BTBD9: variants seen among roughly 807,000 people sequenced by gnomAD.
BTBD9 encodes BTB/POZ domain-containing protein 9.
BTBD9 carries 49 observed loss-of-function variants against 64.3 expected under a neutral mutation model. The ratio of observed to expected loss-of-function variants is 0.76; its 90% CI spans 0.61 to 0.97. BTBD9 has a LOEUF of 0.97. BTBD9 is among the 50% of genes least tolerant of loss of function. The pLI, the probability that BTBD9 is intolerant of heterozygous loss-of-function variation, is 0.00. For missense variants in BTBD9, 598 were observed against 762.1 expected (o/e 0.78, Z 2.53); for synonymous variants, 260 against 274.7 (o/e 0.95, Z 0.53).
intron 6 of BTBD9, among the ~76,000 whole-genome samples, chr6:38,382,927 G>T (rs1464671049): frequency 6.6e-6 from 1 of 152,074 alleles, no homozygotes; most frequent in Non-Finnish European, 1.5e-5. Context: ...CTTCCCACAA[G>T]GCCCAGAAAG....
chr6:38,362,713 GC>G (rs781553749), intron 6 of BTBD9, among the ~76,000 whole-genome samples: 75 of 152,256 alleles, frequency 4.9e-4, no homozygotes, highest in Non-Finnish European at 9.1e-4. Flanking sequence ...ATGTACAGTG[GC>G]AGCAGGATTT....
At chr6:38,442,112 A>G (rs1769060817) in intron 6 of BTBD9, among the ~76,000 whole-genome samples, 1 of 152,162 alleles carries the variant, frequency 6.6e-6, no homozygotes, top group Admixed American at 6.5e-5. Context: ...GTGCCTTCAT[A>G]ATGCTGATGT....
At chr6:38,591,356 T>C (rs1278437180) in intron 4 of BTBD9, among the ~76,000 whole-genome samples, 1 of 152,210 alleles carries the variant, frequency 6.6e-6, no homozygotes, top group Non-Finnish European at 1.5e-5. Flanking sequence ...AAATCAAATG[T>C]CAAGGCTCAA....
At chr6:38,423,015 A>G (rs1767975879) in intron 6 of BTBD9, among the ~76,000 whole-genome samples, 1 of 152,148 alleles carries the variant, frequency 6.6e-6, no homozygotes, top group African/African-American at 2.4e-5. Flanking sequence ...CTATAATCCC[A>G]GCACTTTGGG....
At chr6:38,305,894 AC>A (rs1267914860) in intron 7 of BTBD9, among the ~76,000 whole-genome samples, 3 of 152,228 alleles carry the variant, frequency 2.0e-5, no homozygotes, top group African/African-American at 7.2e-5. Context: ...CCACTGGTTT[AC>A]TAATATACAT....
At chr6:38,600,108 G>A (rs1363478020) in intron 1 of BTBD9, among the ~76,000 whole-genome samples, 1 of 152,220 alleles carries the variant, frequency 6.6e-6, no homozygotes, top group Admixed American at 6.5e-5. Flanking sequence ...TGACACAGTA[G>A]TCTTAATGTG....
chr6:38,500,828 A>G (rs571185366), intron 6 of BTBD9, among the ~76,000 whole-genome samples: 1 of 152,198 alleles, frequency 6.6e-6, no homozygotes, highest in East Asian at 1.9e-4. Context: ...AGTGACAAGA[A>G]CAGATGAGTG....
chr6:38,514,064 G>T (rs1772902011), intron 6 of BTBD9, among the ~76,000 whole-genome samples: 1 of 152,200 alleles, frequency 6.6e-6, no homozygotes. Flanking sequence ...TAAACATGAA[G>T]AAGAAGAGCT....
chr6:38,622,786 A>C lies in BTBD9; in HGVS notation c.-28+17014T>G, dbSNP rs78995010. The stretch of plus-strand genomic sequence containing the variant: ...CTTCAAGCCCCAACTGATCATAGTA[A>C]CTTCCCAGTTACCCAAACAGCTCCA... On this transcript the variant is annotated intron_variant, in intron 1 of 10. Transcript: ENST00000481247. 0.02 allele frequency among the ~76,000 whole-genome samples: 3,116 copies of C among 152,282 alleles called. 242 individuals carry two copies. The East Asian group carries it at 0.23, about 11-fold the overall frequency.
intron 6 of BTBD9, among the ~76,000 whole-genome samples, chr6:38,501,590 G>C (rs1582536142): frequency 6.6e-6 from 1 of 152,252 alleles, no homozygotes; most frequent in East Asian, 1.9e-4. Context: ...GTGTATAAGA[G>C]AGCAACAGTT....
intron 6 of BTBD9, among the ~76,000 whole-genome samples, chr6:38,555,767 A>C (rs1012046665): frequency 6.6e-6 from 1 of 152,200 alleles, no homozygotes; most frequent in African/African-American, 2.4e-5. Flanking sequence ...TCATGCTGCC[A>C]GAATTTTATT....
At chr6:38,388,206 T>TA (rs1365900564) in intron 6 of BTBD9, among the ~76,000 whole-genome samples, 2 of 141,480 alleles carry the variant, frequency 1.4e-5, no homozygotes, top group African/African-American at 5.4e-5. Flanking sequence ...GCTTCTGGTG[T>TA]AACTGCCCCT....
intron 6 of BTBD9, among the ~76,000 whole-genome samples, chr6:38,393,926 C>T (rs1341930704): frequency 3.3e-5 from 5 of 152,076 alleles, no homozygotes; most frequent in Admixed American, 1.3e-4. Context: ...TCTGTTTGGG[C>T]ACTATGTAAT....
chr6:38,282,388 T>C (rs1761547574), intron 8 of BTBD9, among the ~76,000 whole-genome samples: 1 of 152,286 alleles, frequency 6.6e-6, no homozygotes, highest in African/African-American at 2.4e-5. Context: ...GAGAAAGAAA[T>C]GCAAGAGACG....
intron 6 of BTBD9, among the ~76,000 whole-genome samples, chr6:38,408,566 C>T (rs774424425): frequency 6.6e-6 from 1 of 152,148 alleles, no homozygotes; most frequent in Non-Finnish European, 1.5e-5. Context: ...CTTAGCCTTA[C>T]ATCATGAGAT....
Position 38,309,720 on chromosome 6 carries a change from AT to A in BTBD9, c.1265-21260del, listed in dbSNP as rs533455516. Among the ~76,000 whole-genome samples, 95 of 150,876 alleles carry A rather than the reference AT, an allele frequency of 6.3e-4. 1 individual carries two copies. The South Asian group carries it at 0.019, about 30-fold the overall frequency. ...ACCACTGCGCCCAGCCTATTTAATAATTTTTTTTAACGATCCTTTAATAAAG... is the reference window on the plus strand; with the variant it reads ...ACCACTGCGCCCAGCCTATTTAATAATTTTTTTAACGATCCTTTAATAAAG... On this transcript the variant is annotated intron_variant, in intron 7 of 10. Coordinates refer to ENST00000481247, the MANE Select transcript of BTBD9 (RefSeq NM_001099272.2).
At chr6:38,511,805 G>A (rs866452203) in intron 6 of BTBD9, among the ~76,000 whole-genome samples, 7 of 152,244 alleles carry the variant, frequency 4.6e-5, no homozygotes, top group African/African-American at 1.4e-4. Context: ...AGATTTGCTT[G>A]CATAGATGAC....
intron 6 of BTBD9, among the ~76,000 whole-genome samples, chr6:38,544,451 A>T (rs904245727): frequency 6.6e-6 from 1 of 151,988 alleles, no homozygotes; most frequent in African/African-American, 2.4e-5. Context: ...GTATATGGGG[A>T]GGGTGCTACA....
Position 38,567,336 on chromosome 6 carries a change from T to C in BTBD9, c.1154+10264A>G, listed in dbSNP as rs182729805. Among the ~76,000 whole-genome samples the C allele has an allele frequency of 5.1e-4, 78 of 152,360 alleles. No homozygotes were observed. The Middle Eastern group carries it at 0.014, about 27-fold the overall frequency. On this transcript the variant is annotated intron_variant, in intron 6 of 10. Transcript: ENST00000481247. ...TATTAGAAATTAAACCTATAGCTTCTTATCATGAAGGACATATTCATGTGT... is the reference window on the plus strand; with the variant it reads ...TATTAGAAATTAAACCTATAGCTTCCTATCATGAAGGACATATTCATGTGT...
Sources: allele counts gnomAD v4.1 joint callset (sites outside exome capture counted in the v4.1 genomes callset), GRCh38; gene constraint gnomAD v4.1.1; transcripts MANE v1.5; gene names NCBI Gene and HGNC (gene_info 2026-07-23, HGNC 2026-07-21).